Variants in P2RY8 observed in about 807,000 individuals in gnomAD.
The protein encoded by P2RY8 is P2Y receptor family member 8, also known as S-geranylgeranyl-glutathione receptor P2RY8.
P2RY8 carries 6 observed loss-of-function variants against 10.0 expected under a neutral mutation model. The observed-to-expected ratio is 0.60, with a 90% CI of 0.33 to 1.19. P2RY8 has a LOEUF of 1.19. Among genes scored for constraint, P2RY8 ranks in the 50% most tolerant of loss-of-function variants. P2RY8 has a pLI of 0.04. For synonymous variants in P2RY8, 276 were observed against 252.5 expected (o/e 1.09, Z -0.88); for missense variants, 456 against 542.0 (o/e 0.84, Z 1.58).
chrX:1,525,559 T>C (rs2092434391), intron 1 of P2RY8, among the ~76,000 whole-genome samples: 1 of 152,166 alleles, frequency 6.6e-6, no homozygotes, highest in Admixed American at 6.5e-5. Context: ...TTCGGGGCAA[T>C]TGACTGGAAA....
intron 1 of P2RY8, among the ~76,000 whole-genome samples, chrX:1,503,007 T>C (rs1358147549): frequency 2.0e-5 from 3 of 152,038 alleles, no homozygotes; most frequent in East Asian, 3.9e-4. Context: ...ATAAGAACTT[T>C]GCAGATTTAA....
At position 1,464,718 on chromosome X, in the gene P2RY8, G is replaced by C. The variant is rs1449314480; in HGVS notation, c.*761C>G. 8.6e-6 allele frequency: 2 copies of C among 233,282 alleles called. No homozygotes were observed. The highest frequency in any genetic ancestry group is 4.4e-5 in the African/African-American group (2 of 45,314). The allele number at this position is 233,282 out of a possible 1,614,324, so 14.5% of individuals were successfully genotyped here. A position where few individuals can be genotyped will look rare whatever the true frequency, so the allele number is the denominator to read the frequency against. On this transcript the variant is annotated 3_prime_UTR_variant, in exon 2 of 2. Coordinates refer to ENST00000381297, the MANE Select transcript of P2RY8 (RefSeq NM_178129.5). Reference sequence around the variant, plus strand: ...ATCAGGGACTCACAGAAGCAGAATAGGGGTGGGGTCCCACCAAGCCAGGCC... The same window carrying C: ...ATCAGGGACTCACAGAAGCAGAATACGGGTGGGGTCCCACCAAGCCAGGCC...
At chrX:1,524,641 C>T (rs765967153) in intron 1 of P2RY8, among the ~76,000 whole-genome samples, 1 of 43,980 alleles carries the variant, frequency 2.3e-5, no homozygotes, top group Non-Finnish European at 4.6e-5. Context: ...ATCCATCCAT[C>T]CATACATCCA....
At chrX:1,512,457 G>A (rs2092305321) in intron 1 of P2RY8, among the ~76,000 whole-genome samples, 1 of 146,664 alleles carries the variant, frequency 6.8e-6, no homozygotes, top group Non-Finnish European at 1.5e-5. Context: ...TGAAGCAGGA[G>A]AATCGCTTGA....
intron 1 of P2RY8, among the ~76,000 whole-genome samples, chrX:1,509,751 G>GTCTATCTATCTATCTA (rs1307366915): frequency 0.062 from 4,877 of 78,276 alleles, 541 homozygotes; most frequent in South Asian, 0.14. Context: ...GTATCTATCT[G>GTCTATCTATCTATCTA]TCTATCTATC....
intron 1 of P2RY8, among the ~76,000 whole-genome samples, chrX:1,481,543 GA>G (rs1426435563): frequency 1.3e-5 from 2 of 152,028 alleles, no homozygotes; most frequent in African/African-American, 4.8e-5. Context: ...TGGGTTTAAG[GA>G]GCCCAGCTTT....
intron 1 of P2RY8, among the ~76,000 whole-genome samples, chrX:1,469,772 G>C (rs1434605200): frequency 6.6e-6 from 1 of 151,874 alleles, no homozygotes; most frequent in Non-Finnish European, 1.5e-5. Context: ...TGGTGGCATG[G>C]TGGCGAGTCC....
chrX:1,496,737 T>A (rs1256589552), intron 1 of P2RY8, among the ~76,000 whole-genome samples: 2 of 150,398 alleles, frequency 1.3e-5, no homozygotes, highest in Non-Finnish European at 3.0e-5. Flanking sequence ...TCACTCTGTC[T>A]CCCAGGTTGG....
In P2RY8 at chrX:1,514,625, CT is replaced by C. The variant is rs1569538334; in HGVS notation, c.-25+22295del. 3.9e-4 allele frequency among the ~76,000 whole-genome samples: 20 copies of C among 51,292 alleles called. 5 individuals are homozygous for C. Among genetic ancestry groups the C allele is most frequent in the African/African-American group, 1.1e-3 (13 of 11,722 alleles). 33.6% of individuals were successfully genotyped at this position (51,292 alleles called of 152,430 possible). ...CCCTTTCCTCCCCTCCCTTCCCTTCCTTTTCCTTTCCCTTCCCTTCCCTTTC... is the reference window on the plus strand; with the variant it reads ...CCCTTTCCTCCCCTCCCTTCCCTTCCTTTCCTTTCCCTTCCCTTCCCTTTC... On this transcript the variant is annotated intron_variant, in intron 1 of 1. Coordinates refer to ENST00000381297, the MANE Select transcript of P2RY8 (RefSeq NM_178129.5).
chrX:1,493,249 C>T (rs1253568551), intron 1 of P2RY8, among the ~76,000 whole-genome samples: 2 of 148,014 alleles, frequency 1.4e-5, no homozygotes, highest in Non-Finnish European at 3.0e-5. Flanking sequence ...GGTCACGCCA[C>T]TGCACTCCAG....
Position 1,491,322 on chromosome X carries a change from T to G in P2RY8, c.-24-24740A>C, listed in dbSNP as rs28668697. ...TATTCCCCACAAATGTGGGGGGAAT[T>G]AATGAATGACATCCGGGGATTCCCC... On this transcript the variant is annotated intron_variant, in intron 1 of 1. Coordinates refer to ENST00000381297, the MANE Select transcript of P2RY8 (RefSeq NM_178129.5). Among the ~76,000 whole-genome samples, 621 of 151,408 alleles carry G rather than the reference T, an allele frequency of 4.1e-3. 9 individuals carry two copies. Among genetic ancestry groups the G allele is most frequent in the African/African-American group, 0.014 (590 of 40,972 alleles).
rs185485147 is a variant in P2RY8 at position 1,470,765 on chromosome X, A to T, written c.-24-4183T>A. Among the ~76,000 whole-genome samples the T allele has an allele frequency of 2.8e-4, 43 of 151,932 alleles. 1 individual carries two copies. The highest frequency in any genetic ancestry group is 2.8e-3 in the Admixed American group (43 of 15,254). On this transcript the variant is annotated intron_variant, in intron 1 of 1. Transcript: ENST00000381297. ...CTTGAGTCCTTTCAGTGGGTGCATA[A>T]TAGTCTACTGTGTGGATAGACCACA...
intron 1 of P2RY8, among the ~76,000 whole-genome samples, chrX:1,467,907 G>A (rs2014525882): frequency 6.6e-6 from 1 of 152,124 alleles, no homozygotes; most frequent in Non-Finnish European, 1.5e-5. Context: ...TCAAACTCCT[G>A]GCCTCAAGCA....
intron 1 of P2RY8, among the ~76,000 whole-genome samples, chrX:1,492,963 G>A (rs1471458690): frequency 3.3e-5 from 5 of 151,902 alleles, no homozygotes; most frequent in South Asian, 2.1e-4. Context: ...CTCAGTTTCC[G>A]TTACTGGTAA....
chrX:1,526,997 G>T (rs190501281), intron 1 of P2RY8, among the ~76,000 whole-genome samples: 1 of 152,198 alleles, frequency 6.6e-6, no homozygotes, highest in East Asian at 1.9e-4. Flanking sequence ...GGGTTCAAGG[G>T]ATTCTCCTGC....
Position 1,466,280 on chromosome X carries a change from C to T in P2RY8, c.279G>A (p.Val93=). The part of the protein sequence containing the change: ...HCNRHHWVFG[V]LLCNVVTVAF... The stretch of plus-strand genomic sequence containing the variant: ...CCACGGTCACCACGTTGCAAAGCAG[C>T]ACCCCGAATACCCAGTGGTGGCGGT... The change falls in exon 2 of 2, where the codon GTG becomes GTA. Residue 93 remains valine (V), a synonymous_variant. Coordinates refer to ENST00000381297, the MANE Select transcript of P2RY8 (RefSeq NM_178129.5). 2 of 1,613,904 alleles carry T rather than the reference C, an allele frequency of 1.2e-6. No homozygotes were observed. Among genetic ancestry groups the T allele is most frequent in the Middle Eastern group, 1.7e-4 (1 of 6,056 alleles).
intron 1 of P2RY8, among the ~76,000 whole-genome samples, chrX:1,468,302 C>T (rs190993977): frequency 3.1e-4 from 47 of 152,304 alleles, no homozygotes; most frequent in African/African-American, 1.1e-3. Context: ...ACACCACGTG[C>T]TGTTGAAAGT....
chrX:1,496,699 C>T (rs1260585402), intron 1 of P2RY8, among the ~76,000 whole-genome samples: 4 of 150,498 alleles, frequency 2.7e-5, no homozygotes, highest in African/African-American at 4.9e-5. Flanking sequence ...TTTTTTCTTT[C>T]TTTCTTTCTT....
Position 1,509,343 on chromosome X carries a change from TCATCCATCCATCCATC to T in P2RY8, c.-25+27562_-25+27577del, listed in dbSNP as rs745416588. On this transcript the variant is annotated intron_variant, in intron 1 of 1. Coordinates refer to ENST00000381297, the MANE Select transcript of P2RY8 (RefSeq NM_178129.5). The stretch of plus-strand genomic sequence containing the variant: ...TATCCTGTATGTATTTATCTATCCA[TCATCCATCCATCCATC>T]CATCCATCCATCTATTCTATCTATC... 4.3e-5 allele frequency among the ~76,000 whole-genome samples: 6 copies of T among 140,132 alleles called. No homozygotes were observed. The East Asian group carries it at 1.3e-3, about 30-fold the overall frequency. 91.9% of individuals were successfully genotyped at this position (140,132 alleles called of 152,430 possible). A position where few individuals can be genotyped will look rare whatever the true frequency, so the allele number is the denominator to read the frequency against.
Sources: gnomAD v4.1 joint callset for allele counts (sites outside exome capture counted in the v4.1 genomes callset) on GRCh38, gnomAD v4.1.1 for gene constraint, MANE v1.5 for transcripts, NCBI Gene and HGNC (gene_info 2026-07-23, HGNC 2026-07-21) for gene names.